NDUFB5: variants seen among roughly 807,000 people sequenced by gnomAD.
The protein encoded by NDUFB5 is NADH dehydrogenase [ubiquinone] 1 beta subcomplex subunit 5, mitochondrial.
In NDUFB5, 19 loss-of-function variants were observed where a neutral mutation model predicts 19.4. The ratio of observed to expected loss-of-function variants is 0.98; its 90% CI spans 0.68 to 1.43. NDUFB5 has a LOEUF of 1.43. NDUFB5 is among the 40% of genes most tolerant of loss of function. The pLI, the probability that NDUFB5 is intolerant of heterozygous loss-of-function variation, is 0.00. For missense variants in NDUFB5, 233 were observed against 236.5 expected (o/e 0.99, Z 0.10); for synonymous variants, 80 against 82.6 (o/e 0.97, Z 0.17).
intron 1 of NDUFB5, among the ~76,000 whole-genome samples, chr3:179,609,557 C>T (rs182794017): frequency 3.4e-4 from 52 of 152,252 alleles, no homozygotes; most frequent in Admixed American, 2.1e-3. Flanking sequence ...TGTGATTAGC[C>T]GTGTCTCAGC....
At chr3:179,608,671 T>G (rs897759259) in intron 1 of NDUFB5, among the ~76,000 whole-genome samples, 9 of 152,288 alleles carry the variant, frequency 5.9e-5, no homozygotes, top group Admixed American at 5.9e-4. Flanking sequence ...ATAATTAAGG[T>G]CTGAGTCCTG....
chr3:179,618,367 A>C, intron 4 of NDUFB5, 48 bp from the exon 5 acceptor site: 1 of 1,235,764 alleles, frequency 8.1e-7, no homozygotes, highest in Non-Finnish European at 1.2e-6. Context: ...TAGAAAAGCA[A>C]AGTATTATTC....
At position 179,616,065 on chromosome 3, in the gene NDUFB5, C is replaced by A; in HGVS notation, c.280+16C>A. 3 of 1,604,910 alleles carry A rather than the reference C, an allele frequency of 1.9e-6. No individual in the cohort carries two copies. Among genetic ancestry groups the A allele is most frequent in the Non-Finnish European group, 2.6e-6 (3 of 1,174,620 alleles). ...GTATTCATTGGTAAGTCACTTCCAT[C>A]CCCTGCCAGCACCACCAGATTGGAA... On this transcript the variant is annotated intron_variant, in intron 3 of 5. Coordinates refer to ENST00000259037, the MANE Select transcript of NDUFB5 (RefSeq NM_002492.4).
intron 5 of NDUFB5, among the ~76,000 whole-genome samples, chr3:179,619,349 C>G (rs13067375): frequency 5.9e-5 from 9 of 151,746 alleles, no homozygotes; most frequent in Non-Finnish European, 1.2e-4. Flanking sequence ...ATCCCTCCCC[C>G]CTCCACCCAC....
At chr3:179,611,165 G>C (rs575049560) in intron 1 of NDUFB5, among the ~76,000 whole-genome samples, 6 of 152,196 alleles carry the variant, frequency 3.9e-5, no homozygotes, top group Non-Finnish European at 8.8e-5. Context: ...AATATCAGGA[G>C]TGTGTTATAG....
intron 1 of NDUFB5, among the ~76,000 whole-genome samples, chr3:179,610,416 TTTG>T (rs796104802): frequency 2.2e-4 from 33 of 152,178 alleles, no homozygotes; most frequent in Admixed American, 5.9e-4. Context: ...GATTGTTTGG[TTTG>T]TTGTTGTTGT....
chr3:179,614,933 T>C (rs757759259), intron 1 of NDUFB5, 38 bp from the exon 2 acceptor site: 11 of 1,395,016 alleles, frequency 7.9e-6, no homozygotes, highest in Non-Finnish European at 1.1e-5. Context: ...TATACCCATA[T>C]GAACCTTGTA....
chr3:179,620,381 G>T (rs1036190388), intron 5 of NDUFB5, among the ~76,000 whole-genome samples: 10 of 151,468 alleles, frequency 6.6e-5, no homozygotes, highest in African/African-American at 9.7e-5. Context: ...TGTATAAGGT[G>T]TAAGGAAGGG....
Position 179,624,297 on chromosome 3 carries a change from T to C in NDUFB5, c.*257T>C. On this transcript the variant is annotated 3_prime_UTR_variant, in exon 6 of 6. Coordinates refer to ENST00000259037, the MANE Select transcript of NDUFB5 (RefSeq NM_002492.4). The stretch of plus-strand genomic sequence containing the variant: ...TGTAGCAACTTTGAAAGGTTAGTGT[T>C]TTATTTACCTGACAAATGGAAGTTA... The C allele has an allele frequency of 3.5e-6, 1 of 285,596 alleles. No homozygotes were observed. The highest frequency in any genetic ancestry group is 6.4e-6 in the Non-Finnish European group (1 of 155,096). 17.7% of individuals were successfully genotyped at this position (285,596 alleles called of 1,614,324 possible).
chr3:179,606,395 A>G (rs1309952382), intron 1 of NDUFB5, among the ~76,000 whole-genome samples: 7 of 151,912 alleles, frequency 4.6e-5, no homozygotes, highest in Admixed American at 1.3e-4. Flanking sequence ...CTGGAGTGCA[A>G]TGGCGTGATC....
At chr3:179,606,011 C>T (rs879820033) in intron 1 of NDUFB5, among the ~76,000 whole-genome samples, 3 of 152,054 alleles carry the variant, frequency 2.0e-5, no homozygotes, top group Admixed American at 2.0e-4. Flanking sequence ...AGGCTGGTCT[C>T]GAACTCCTCA....
In NDUFB5 at chr3:179,604,907, G is replaced by T; in HGVS notation, c.92G>T (p.Gly31Val). Residue 31 changes from glycine to valine, a missense_variant, in exon 1 of 6, where the codon GGC (glycine) becomes GTC (valine). Transcript: ENST00000259037. The part of the protein sequence containing the change: ...RPLGTRLGFG[G>V]FLTRGFPKAA... ...CTTGGCACTCGCCTCGGATTTGGGG[G>T]CTTCCTCACTCGTGGCTTTCCGAAG... 1 of 1,590,954 alleles carries T rather than the reference G, an allele frequency of 6.3e-7. No homozygotes were observed. Among genetic ancestry groups the T allele is most frequent in the African/African-American group, 1.4e-5 (1 of 73,280 alleles).
At chr3:179,622,050 C>T (rs960489722) in intron 5 of NDUFB5, among the ~76,000 whole-genome samples, 3 of 152,042 alleles carry the variant, frequency 2.0e-5, no homozygotes, top group Non-Finnish European at 4.4e-5. Flanking sequence ...TCACTGCAGC[C>T]CCGACCTCCT....
At chr3:179,605,179 T>C (rs1241136975) in intron 1 of NDUFB5, among the ~76,000 whole-genome samples, 1 of 152,160 alleles carries the variant, frequency 6.6e-6, no homozygotes, top group Non-Finnish European at 1.5e-5. Flanking sequence ...TTAATGCTAA[T>C]TTGCGGATGA....
intron 1 of NDUFB5, among the ~76,000 whole-genome samples, chr3:179,609,034 G>A (rs973252977): frequency 5.3e-5 from 8 of 152,134 alleles, no homozygotes; most frequent in Non-Finnish European, 7.3e-5. Flanking sequence ...AACTGCGACC[G>A]TCAGAACCTA....
Position 179,626,105 on chromosome 3 carries a change from C to A in NDUFB5, c.*2065C>A, listed in dbSNP as rs1277969441. The A allele has an allele frequency of 6.6e-6, 1 of 151,732 alleles. No homozygotes were observed. The highest frequency in any genetic ancestry group is 1.5e-5 in the Non-Finnish European group (1 of 67,932). The allele number at this position is 151,732 out of a possible 1,614,324, so 9.4% of individuals were successfully genotyped here. A position where few individuals can be genotyped will look rare whatever the true frequency, so the allele number is the denominator to read the frequency against. Reference sequence around the variant, plus strand: ...TCCTCACAAGCATTTGTTATTTTTTCTTTTTTTTCAAATGAACATTTTAAC... The same window carrying A: ...TCCTCACAAGCATTTGTTATTTTTTATTTTTTTTCAAATGAACATTTTAAC... On this transcript the variant is annotated 3_prime_UTR_variant, in exon 6 of 6. Coordinates refer to ENST00000259037, the MANE Select transcript of NDUFB5 (RefSeq NM_002492.4).
intron 5 of NDUFB5, among the ~76,000 whole-genome samples, chr3:179,621,997 T>C (rs1335764408): frequency 6.6e-6 from 1 of 152,186 alleles, no homozygotes; most frequent in Non-Finnish European, 1.5e-5. Flanking sequence ...AGACAGGATC[T>C]CGTTCTGTTG....
chr3:179,605,521 A>G (rs532681916), intron 1 of NDUFB5, among the ~76,000 whole-genome samples: 1 of 152,226 alleles, frequency 6.6e-6, no homozygotes, highest in African/African-American at 2.4e-5. Flanking sequence ...GCTGGAGTGC[A>G]GTGGCGCGAT....
intron 5 of NDUFB5, among the ~76,000 whole-genome samples, chr3:179,621,207 A>G (rs555820456): frequency 6.6e-5 from 10 of 152,118 alleles, no homozygotes; most frequent in Admixed American, 2.6e-4. Flanking sequence ...CCTCCCTAGT[A>G]GCCAAGATTA....
Sources: allele counts gnomAD v4.1 joint callset (sites outside exome capture counted in the v4.1 genomes callset), GRCh38; gene constraint gnomAD v4.1.1; transcripts MANE v1.5; gene names NCBI Gene and HGNC (gene_info 2026-07-23, HGNC 2026-07-21).